The following ZNF714 variants were observed in gnomAD, a reference collection of about 807,000 sequenced individuals.
ZNF714 encodes zinc finger protein 714.
In ZNF714, 32 loss-of-function variants were observed where a neutral mutation model predicts 46.2. The ratio of observed to expected loss-of-function variants is 0.69; its 90% CI spans 0.52 to 0.93. ZNF714 has a LOEUF of 0.93. Among genes scored for constraint, ZNF714 ranks in the 40% least tolerant of loss-of-function variants. The pLI is 0.00. For missense variants in ZNF714, 635 were observed against 646.3 expected, an observed-to-expected ratio of 0.98 and a Z score of 0.19; for synonymous variants, 199 against 213.1, an observed-to-expected ratio of 0.93 and a Z score of 0.58.
intron 4 of ZNF714, among the ~76,000 whole-genome samples, chr19:21,113,673 A>AT (rs914021193): frequency 2.4e-4 from 36 of 151,146 alleles, no homozygotes; most frequent in Admixed American, 5.9e-4. Context: ...CGCCTGGCTA[A>AT]TTTTTTTTGT....
chr19:21,104,419 A>G (rs907212037), intron 4 of ZNF714, among the ~76,000 whole-genome samples: 4 of 152,082 alleles, frequency 2.6e-5, no homozygotes, highest in Non-Finnish European at 5.9e-5. Flanking sequence ...GCTGTATTTG[A>G]TGATAATTCC....
At chr19:21,086,599 TTTTA>T (rs1968785047) in intron 2 of ZNF714, among the ~76,000 whole-genome samples, 1 of 152,060 alleles carries the variant, frequency 6.6e-6, no homozygotes, top group Non-Finnish European at 1.5e-5. Context: ...TTTTGGTGGG[TTTTA>T]TTTGACTTCT....
chr19:21,083,395 C>G (rs2144815137), intron 1 of ZNF714, among the ~76,000 whole-genome samples: 1 of 152,234 alleles, frequency 6.6e-6, no homozygotes, highest in East Asian at 1.9e-4. Flanking sequence ...TTTCCCGCCG[C>G]TTAATTATTT....
intron 2 of ZNF714, among the ~76,000 whole-genome samples, chr19:21,089,176 A>G (rs1421066486): frequency 1.3e-5 from 2 of 152,206 alleles, no homozygotes; most frequent in South Asian, 2.1e-4. Flanking sequence ...TTTGAGAGGG[A>G]TCTATTCACT....
intron 4 of ZNF714, among the ~76,000 whole-genome samples, chr19:21,108,774 GTCTGTTT>G (rs1441155282): frequency 2.3e-4 from 35 of 152,104 alleles, no homozygotes; most frequent in Admixed American, 1.4e-3. Context: ...AGTCTATAAT[GTCTGTTT>G]TCTGTTTTCT....
rs1361665507 is a variant in ZNF714, at chr19:21,082,359, C to T, written c.-177+11C>T. 6 of 1,458,464 alleles carry T rather than the reference C, an allele frequency of 4.1e-6. No individual in the cohort carries two copies. Among genetic ancestry groups the T allele is most frequent in the East Asian group, 6.7e-5 (2 of 29,704 alleles). 90.3% of individuals were successfully genotyped at this position (1,458,464 alleles called of 1,614,324 possible). A position where few individuals can be genotyped will look rare whatever the true frequency, so the allele number is the denominator to read the frequency against. On this transcript the variant is annotated intron_variant, in intron 1 of 4. Coordinates refer to ENST00000456283, the MANE Select transcript of ZNF714 (RefSeq NM_182515.4). The stretch of plus-strand genomic sequence containing the variant: ...GGAAGCCTAGAAATGGTGAGAGTGC[C>T]GGGTCCGACATCCCGAGAGAGGGGA...
chr19:21,116,813 GTTC>G lies in ZNF714; in HGVS notation c.155_157del (p.Ser52del), dbSNP rs774137524. ...TTGTTTGTATTTCTTTCAGCTATGT[GTTC>G]TTCTTTTACCAGAGACCTTTGGCCA... On this transcript the variant is annotated inframe_deletion, in exon 5 of 5. Coordinates refer to ENST00000456283, the MANE Select transcript of ZNF714 (RefSeq NM_182515.4). 1.0e-5 allele frequency: 16 copies of G among 1,588,064 alleles called. No individual in the cohort carries two copies. The highest frequency in any genetic ancestry group is 2.3e-5 in the South Asian group (2 of 86,304).
At chr19:21,094,551 C>G (rs973748942) in intron 2 of ZNF714, among the ~76,000 whole-genome samples, 4 of 151,994 alleles carry the variant, frequency 2.6e-5, no homozygotes, top group Admixed American at 1.3e-4. Flanking sequence ...GTTTTTGAGA[C>G]AGTCTCACTC....
chr19:21,097,357 G>C (rs1232696620), intron 2 of ZNF714, among the ~76,000 whole-genome samples: 1 of 152,118 alleles, frequency 6.6e-6, no homozygotes, highest in African/African-American at 2.4e-5. Context: ...GACTTTTTGA[G>C]GGGCAATATC....
At position 21,098,183 on chromosome 19, in the gene ZNF714, A is replaced by G. The variant is rs749647595; in HGVS notation, c.-84-2A>G. 3 of 1,607,832 alleles carry G rather than the reference A, an allele frequency of 1.9e-6. No homozygotes were observed. The highest frequency in any genetic ancestry group is 1.3e-5 in the African/African-American group (1 of 74,372). ...GTGTGTCTGTGCGTATGTGTTTTTC[A>G]GGAGACGTTGACATTTAGGGATGTG... On this transcript the variant is annotated splice_acceptor_variant, in intron 2 of 4. Coordinates refer to ENST00000456283, the MANE Select transcript of ZNF714 (RefSeq NM_182515.4). LOFTEE classifies it low-confidence loss of function (5UTR_SPLICE).
Position 21,117,397 on chromosome 19 carries a change from A to T in ZNF714, c.733A>T (p.Thr245Ser), listed in dbSNP as rs1568282850. The change falls in exon 5 of 5, where the codon ACT (threonine) becomes TCT (serine). Residue 245 changes from threonine (T) to serine (S), a missense_variant. Thr to Ser is a moderately conservative substitution (Grantham distance 58, BLOSUM62 1). Transcript: ENST00000456283. Reference protein sequence around the residue: ...GKAFYHSSHLTTHKVIHTGEK... With the variant: ...GKAFYHSSHLSTHKVIHTGEK... ...AGCCTTCTACCATTCTTCACACCTT[A>T]CTACACATAAGGTAATTCATACTGG... 1 of 1,613,486 alleles carries T rather than the reference A, an allele frequency of 6.2e-7. No individual in the cohort carries two copies. Among genetic ancestry groups the T allele is most frequent in the South Asian group, 1.1e-5 (1 of 91,042 alleles).
At position 21,098,404 on chromosome 19, in the gene ZNF714, A is replaced by G. The variant is rs182551890; in HGVS notation, c.43+93A>G. 8.6e-5 allele frequency: 126 copies of G among 1,464,086 alleles called. No homozygotes were observed. The East Asian group carries it at 2.7e-3, about 31-fold the overall frequency. The allele number at this position is 1,464,086 out of a possible 1,614,324, so 90.7% of individuals were successfully genotyped here. ...TTTTCTTTGGTAATTTATGCTTTGT[A>G]TAAATGAGTTTCTGATCCCAGTTTT... On this transcript the variant is annotated intron_variant, in intron 3 of 4. Transcript: ENST00000456283.
At chr19:21,082,656 A>C (rs8100599) in intron 1 of ZNF714, among the ~76,000 whole-genome samples, 124,399 of 152,038 alleles carry the variant, frequency 0.82, 52,882 homozygotes, top group Middle Eastern at 0.93. Context: ...GGAGGGTCCC[A>C]GGGGTAGAAT....
In ZNF714 at chr19:21,110,232, A is replaced by G. The variant is rs536941092; in HGVS notation, c.143-6575A>G. On this transcript the variant is annotated intron_variant, in intron 4 of 4. Transcript: ENST00000456283. ...CCACCAAAAGTATAAAAGCATTTCT[A>G]TTTCTCCATAGCCTCACCAACATCT... Among the ~76,000 whole-genome samples, 74 of 152,306 alleles carry G rather than the reference A, an allele frequency of 4.9e-4. 1 individual carries two copies. The highest frequency in any genetic ancestry group is 3.3e-3 in the South Asian group (16 of 4,830).
chr19:21,083,879 G>T, intron 1 of ZNF714, 99 bp from the exon 2 acceptor site: 1 of 485,078 alleles, frequency 2.1e-6, no homozygotes. Context: ...TCTGGTCGTG[G>T]GTTTCAGTAC....
intron 2 of ZNF714, among the ~76,000 whole-genome samples, chr19:21,090,184 C>T (rs944632180): frequency 6.6e-6 from 1 of 152,174 alleles, no homozygotes; most frequent in African/African-American, 2.4e-5. Flanking sequence ...AAGATGGTTA[C>T]TCTGGGAATA....
chr19:21,117,633 C>A lies in ZNF714; in HGVS notation c.969C>A (p.Asn323Lys). ...GTGAACAATGTGGCAAAGGCTTTAA[C>A]TGGTCTTCAACCCTTACAAAACATA... ...YKCEQCGKGFNWSSTLTKHKR... is the reference protein window; with the variant it reads ...YKCEQCGKGFKWSSTLTKHKR... Residue 323 changes from asparagine (N) to lysine (K), a missense_variant, in exon 5 of 5, where the codon AAC (asparagine) becomes AAA (lysine). Physicochemically the swap from Asn to Lys is moderately conservative, Grantham distance 94. Coordinates refer to ENST00000456283, the MANE Select transcript of ZNF714 (RefSeq NM_182515.4). 6.2e-7 allele frequency: 1 copy of A among 1,612,910 alleles called. No homozygotes were observed. The highest frequency in any genetic ancestry group is 8.5e-7 in the Non-Finnish European group (1 of 1,179,504).
In ZNF714 at chr19:21,118,996, A is replaced by G; in HGVS notation, c.*664A>G. The G allele has an allele frequency of 2.9e-6, 1 of 339,502 alleles. No individual in the cohort carries two copies. Among genetic ancestry groups the G allele is most frequent in the South Asian group, 2.2e-5 (1 of 46,366 alleles). The allele number at this position is 339,502 out of a possible 1,614,324, so 21.0% of individuals were successfully genotyped here. ...AAAGCATTTGTACTTGAGATAAATT[A>G]TACAAATATAAAGACTGAAAAAGCC... On this transcript the variant is annotated 3_prime_UTR_variant, in exon 5 of 5. Transcript: ENST00000456283.
chr19:21,117,160 A>G lies in ZNF714; in HGVS notation c.496A>G (p.Ile166Val). 1 of 1,614,084 alleles carries G rather than the reference A, an allele frequency of 6.2e-7. No individual in the cohort carries two copies. Among genetic ancestry groups the G allele is most frequent in the Non-Finnish European group, 8.5e-7 (1 of 1,179,952 alleles). Residue 166 changes from isoleucine to valine, a missense_variant, in exon 5 of 5, where the codon ATT (isoleucine) becomes GTT (valine). Coordinates refer to ENST00000456283, the MANE Select transcript of ZNF714 (RefSeq NM_182515.4). ...MLLHLHQHKR[I>V]HIRENSYQCE... Reference sequence around the variant, plus strand: ...TTTACACCTACATCAACATAAAAGAATTCATATTAGAGAGAATTCTTACCA... The same window carrying G: ...TTTACACCTACATCAACATAAAAGAGTTCATATTAGAGAGAATTCTTACCA...
Sources: allele counts gnomAD v4.1 joint callset (sites outside exome capture counted in the v4.1 genomes callset), GRCh38; gene constraint gnomAD v4.1.1; transcripts MANE v1.5; gene names NCBI Gene and HGNC (gene_info 2026-07-23, HGNC 2026-07-21).